MPPED1: variants seen among roughly 807,000 people sequenced by gnomAD.
MPPED1 encodes the protein metallophosphoesterase domain containing 1.
A neutral mutation model predicts 36.2 loss-of-function variants in MPPED1; 16 were observed. That is an observed-to-expected ratio of 0.44 (90% CI 0.30 to 0.67). The LOEUF is 0.67. MPPED1 is among the 30% of genes least tolerant of loss of function. The pLI, the probability that MPPED1 is intolerant of heterozygous loss-of-function variation, is 0.10. For synonymous variants in MPPED1, 199 were observed against 191.3 expected (o/e 1.04, Z -0.33); for missense variants, 307 against 453.4 (o/e 0.68, Z 2.93).
chr22:43,443,436 G>A (rs2146844086), intron 3 of MPPED1, among the ~76,000 whole-genome samples: 1 of 152,302 alleles, frequency 6.6e-6, no homozygotes, highest in Non-Finnish European at 1.5e-5. Context: ...AGAGGCCAGG[G>A]TAGCTCAGGC....
intron 3 of MPPED1, among the ~76,000 whole-genome samples, chr22:43,470,648 G>A (rs778612806): frequency 1.4e-3 from 207 of 152,302 alleles, no homozygotes; most frequent in Non-Finnish European, 2.6e-3. Context: ...TACACCTCAG[G>A]ATACCGCCAT....
In MPPED1 at chr22:43,429,050, C is replaced by T. The variant is rs190046969; in HGVS notation, c.224+3841C>T. Among the ~76,000 whole-genome samples, 50 of 152,282 alleles carry T rather than the reference C, an allele frequency of 3.3e-4. No individual in the cohort carries two copies. In the East Asian group the frequency reaches 7.7e-3, roughly 24 times the overall value. ...CTTGAGTCATCGCTTAAAGGCCCTT[C>T]GAGCCCCTCAGGCTGCACCGGGTCC... On this transcript the variant is annotated intron_variant, in intron 2 of 6. Transcript: ENST00000443721.
chr22:43,487,996 C>T (rs1222311419), intron 4 of MPPED1, among the ~76,000 whole-genome samples: 1 of 152,126 alleles, frequency 6.6e-6, no homozygotes, highest in Non-Finnish European at 1.5e-5. Flanking sequence ...AACTTGCATT[C>T]CGGGTTTGAG....
chr22:43,474,914 G>A lies in MPPED1; in HGVS notation c.585G>A (p.Gln195=). 2 of 1,614,028 alleles carry A rather than the reference G, an allele frequency of 1.2e-6. No homozygotes were observed. The highest frequency in any genetic ancestry group is 1.7e-6 in the Non-Finnish European group (2 of 1,179,910). ...QSLLTNCIYL[Q]DSEVTVRGFR... ...TGCTGACCAACTGCATCTACCTTCA[G>A]GACTCGGAGGTCACCGTGCGGGGCT... Residue 195 remains glutamine (Q), a synonymous_variant, in exon 4 of 7, where the codon CAG becomes CAA. Coordinates refer to ENST00000443721, the MANE Select transcript of MPPED1 (RefSeq NM_001044370.2). This position sits in a 1 kb window ranked among gnomAD's most constrained non-coding sequence, Gnocchi z 5.2.
Position 43,502,814 on chromosome 22 carries a change from CAGCAGGA to C in MPPED1, c.862+58_862+64del. ...GGCTAGGGGCTCCTAATGGACCCTC[CAGCAGGA>C]CCTCCCCTTCGTTCAGCCAGAAGGG... On this transcript the variant is annotated intron_variant, in intron 6 of 6. Transcript: ENST00000443721. This position sits in a 1 kb window ranked among gnomAD's most constrained non-coding sequence, Gnocchi z 5.5. 7.1e-7 allele frequency: 1 copy of C among 1,407,068 alleles called. No individual in the cohort carries two copies. Among genetic ancestry groups the C allele is most frequent in the Non-Finnish European group, 1.0e-6 (1 of 994,148 alleles). 87.2% of individuals were successfully genotyped at this position (1,407,068 alleles called of 1,614,324 possible). A position where few individuals can be genotyped will look rare whatever the true frequency, so the allele number is the denominator to read the frequency against.
intron 3 of MPPED1, among the ~76,000 whole-genome samples, chr22:43,471,069 G>A (rs1601989963): frequency 6.6e-6 from 1 of 152,378 alleles, no homozygotes; most frequent in East Asian, 1.9e-4. Flanking sequence ...AGCTGCTGAG[G>A]TGAGAAGAAG....
chr22:43,435,567 A>G (rs1210799352), intron 3 of MPPED1, among the ~76,000 whole-genome samples: 2 of 152,080 alleles, frequency 1.3e-5, no homozygotes, highest in Non-Finnish European at 2.9e-5. Flanking sequence ...TAAATAATTG[A>G]TGAATGAGGC....
intron 3 of MPPED1, among the ~76,000 whole-genome samples, chr22:43,441,443 G>T (rs1271696108): frequency 6.6e-6 from 1 of 152,152 alleles, no homozygotes; most frequent in Non-Finnish European, 1.5e-5. Flanking sequence ...GCCACTCCAG[G>T]GCGGAGACCA....
intron 5 of MPPED1, among the ~76,000 whole-genome samples, chr22:43,501,729 G>A (rs1932741258): frequency 6.6e-6 from 1 of 152,148 alleles, no homozygotes; most frequent in African/African-American, 2.4e-5. Flanking sequence ...CACACAGCCA[G>A]TAGGCAGCAG....
intron 3 of MPPED1, among the ~76,000 whole-genome samples, chr22:43,441,670 C>G (rs564545984): frequency 6.6e-6 from 1 of 152,024 alleles, no homozygotes; most frequent in African/African-American, 2.4e-5. Context: ...GAGCATAACA[C>G]GATATATGAG....
intron 2 of MPPED1, among the ~76,000 whole-genome samples, chr22:43,432,966 G>A (rs975275484): frequency 2.6e-5 from 4 of 151,694 alleles, no homozygotes; most frequent in Admixed American, 6.6e-5. Flanking sequence ...GAGAGAGGGA[G>A]AGAATATGAA....
intron 2 of MPPED1, among the ~76,000 whole-genome samples, chr22:43,430,313 A>C (rs1166643527): frequency 6.6e-6 from 1 of 152,208 alleles, no homozygotes; most frequent in African/African-American, 2.4e-5. Context: ...GAAAGAACCA[A>C]GAGCAGGATC....
intron 2 of MPPED1, among the ~76,000 whole-genome samples, chr22:43,432,452 GAGAT>G (rs1285221650): frequency 8.0e-5 from 10 of 124,762 alleles, no homozygotes; most frequent in Non-Finnish European, 1.2e-4. Flanking sequence ...AGGGAGGAGA[GAGAT>G]AAAGAGAGGA....
Position 43,474,771 on chromosome 22 carries a change from G to A in MPPED1, c.442G>A (p.Gly148Ser). 6.2e-7 allele frequency: 1 copy of A among 1,614,066 alleles called. No individual in the cohort carries two copies. Among genetic ancestry groups the A allele is most frequent in the Non-Finnish European group, 8.5e-7 (1 of 1,179,904 alleles). Reference protein sequence around the residue: ...LPYEYKIVIAGNHELTFDQEF... With the variant: ...LPYEYKIVIASNHELTFDQEF... ...CTACGAGTACAAGATCGTGATCGCA[G>A]GCAACCACGAGCTGACCTTTGACCA... The change falls in exon 4 of 7, where the codon GGC becomes AGC. Residue 148 changes from glycine to serine, a missense_variant. Coordinates refer to ENST00000443721, the MANE Select transcript of MPPED1 (RefSeq NM_001044370.2). This position sits in a 1 kb window ranked among gnomAD's most constrained non-coding sequence, Gnocchi z 5.2.
intron 4 of MPPED1, among the ~76,000 whole-genome samples, chr22:43,495,727 G>A (rs1183525552): frequency 1.4e-3 from 63 of 45,578 alleles, no homozygotes; most frequent in African/African-American, 3.6e-3. Context: ...TGGTGGAGGT[G>A]GTGGTGGTGG....
chr22:43,432,557 A>AGAGAGAGAGAAAGGGAG (rs1929754855), intron 2 of MPPED1, among the ~76,000 whole-genome samples: 2 of 86,056 alleles, frequency 2.3e-5, no homozygotes. Flanking sequence ...GAAAGGGAGG[A>AGAGAGAGAGAAAGGGAG]GAGAGAGAGA....
At position 43,444,362 on chromosome 22, in the gene MPPED1, A is replaced by G. The variant is rs1348998975; in HGVS notation, c.406+9147A>G. Among the ~76,000 whole-genome samples, 5 of 105,792 alleles carry G rather than the reference A, an allele frequency of 4.7e-5. No homozygotes were observed. In the East Asian group the frequency reaches 7.4e-4, roughly 16 times the overall value. 69.4% of individuals were successfully genotyped at this position (105,792 alleles called of 152,430 possible). A position where few individuals can be genotyped will look rare whatever the true frequency, so the allele number is the denominator to read the frequency against. On this transcript the variant is annotated intron_variant, in intron 3 of 6. Coordinates refer to ENST00000443721, the MANE Select transcript of MPPED1 (RefSeq NM_001044370.2). ...CAGTGGTGTTTTTTTCTTTCTATCT[A>G]TCTTTTTTTTTTTTTTTTTTTTGAG...
intron 3 of MPPED1, among the ~76,000 whole-genome samples, chr22:43,458,576 G>A (rs562197713): frequency 1.2e-4 from 18 of 152,240 alleles, no homozygotes; most frequent in Non-Finnish European, 1.8e-4. Flanking sequence ...GAACCACCGC[G>A]CCTGGCCTGT....
chr22:43,487,876 A>G (rs979387928), intron 4 of MPPED1, among the ~76,000 whole-genome samples: 10 of 151,952 alleles, frequency 6.6e-5, no homozygotes, highest in Non-Finnish European at 1.3e-4. Context: ...CGTGACAGCG[A>G]CTGCTTAAGG....
Sources: gnomAD v4.1 joint callset for allele counts (sites outside exome capture counted in the v4.1 genomes callset) on GRCh38, gnomAD v4.1.1 for gene constraint, Gnocchi (gnomAD v3.1) non-coding constraint, MANE v1.5 for transcripts, NCBI Gene and HGNC (gene_info 2026-07-23, HGNC 2026-07-21) for gene names.